DUSP16: variants seen among roughly 807,000 people sequenced by gnomAD.
DUSP16 encodes dual specificity protein phosphatase 16.
In DUSP16, 21 loss-of-function variants were observed where a neutral mutation model predicts 58.3. The observed-to-expected ratio is 0.36, with a 90% CI of 0.26 to 0.52. The LOEUF is 0.52. Among genes scored for constraint, DUSP16 ranks in the 20% least tolerant of loss-of-function variants. DUSP16 has a pLI of 0.94. For synonymous variants in DUSP16, 320 were observed against 323.8 expected, an observed-to-expected ratio of 0.99 and a Z score of 0.12; for missense variants, 726 against 819.0, an observed-to-expected ratio of 0.89 and a Z score of 1.39.
At chr12:12,526,627 T>C (rs1476741994) in intron 1 of DUSP16, among the ~76,000 whole-genome samples, 1 of 152,198 alleles carries the variant, frequency 6.6e-6, no homozygotes. Flanking sequence ...ACTTCAAAAT[T>C]TGTGCCTAGC....
At chr12:12,483,853 A>C (rs1943624502) in intron 5 of DUSP16, among the ~76,000 whole-genome samples, 1 of 152,102 alleles carries the variant, frequency 6.6e-6, no homozygotes, top group African/African-American at 2.4e-5. Flanking sequence ...TAACAACAAC[A>C]AAAAAGAAAA....
chr12:12,502,186 G>A (rs1943920097), intron 3 of DUSP16, among the ~76,000 whole-genome samples: 1 of 152,146 alleles, frequency 6.6e-6, no homozygotes, highest in African/African-American at 2.4e-5. Flanking sequence ...ACTGCTAGAA[G>A]TGCAGGAAGT....
At chr12:12,543,468 AAAGT>A (rs1212335070) in intron 1 of DUSP16, among the ~76,000 whole-genome samples, 2 of 152,250 alleles carry the variant, frequency 1.3e-5, no homozygotes, top group Non-Finnish European at 2.9e-5. Flanking sequence ...AAAAGATAAA[AAAGT>A]AAATAGAATA....
Position 12,476,523 on chromosome 12 carries a change from C to T in DUSP16, c.*310G>A. The stretch of plus-strand genomic sequence containing the variant: ...TGAAAATGGTAGGGGATTTTGTCCT[C>T]CAACACCAAAGACACTTGCTTTTTT... On this transcript the variant is annotated 3_prime_UTR_variant, in exon 7 of 7. Transcript: ENST00000298573. 4.3e-6 allele frequency: 1 copy of T among 233,108 alleles called. No homozygotes were observed. 14.4% of individuals were successfully genotyped at this position (233,108 alleles called of 1,614,324 possible).
At chr12:12,547,354 G>A (rs1305503652) in intron 1 of DUSP16, among the ~76,000 whole-genome samples, 7 of 151,314 alleles carry the variant, frequency 4.6e-5, no homozygotes, top group Admixed American at 1.3e-4. Context: ...GCTTGAACCC[G>A]GGTGGAGGTT....
intron 4 of DUSP16, among the ~76,000 whole-genome samples, chr12:12,497,837 G>A (rs1943850789): frequency 6.6e-6 from 1 of 152,062 alleles, no homozygotes; most frequent in African/African-American, 2.4e-5. Context: ...AGGCATGGTG[G>A]TGCGTGCCTG....
intron 3 of DUSP16, among the ~76,000 whole-genome samples, chr12:12,508,530 A>G (rs2136220776): frequency 6.6e-6 from 1 of 152,300 alleles, no homozygotes; most frequent in African/African-American, 2.4e-5. Context: ...CAACTCTCCA[A>G]TTGAGCCATA....
chr12:12,534,941 T>C (rs539806664), intron 1 of DUSP16, among the ~76,000 whole-genome samples: 1 of 152,350 alleles, frequency 6.6e-6, no homozygotes, highest in Non-Finnish European at 1.5e-5. Flanking sequence ...AAATACCTCA[T>C]GTTCCAGATA....
At chr12:12,523,677 C>A (rs1286442639) in intron 1 of DUSP16, among the ~76,000 whole-genome samples, 1 of 152,176 alleles carries the variant, frequency 6.6e-6, no homozygotes, top group Admixed American at 6.5e-5. Context: ...CCTAGTCAAT[C>A]CACTAATAAA....
chr12:12,529,687 C>T (rs1231172947), intron 1 of DUSP16, among the ~76,000 whole-genome samples: 1 of 152,132 alleles, frequency 6.6e-6, no homozygotes, highest in Non-Finnish European at 1.5e-5. Flanking sequence ...CCAGGCTTCC[C>T]CTCCCCATTA....
rs188713606 is a variant in DUSP16, at chr12:12,521,432, G to A, written c.-334C>T. Reference sequence around the variant, plus strand: ...TACATCATTCTTTACCTTTGCTCCCGCGCTCCAACAGCTTTACACTGGACT... The same window carrying A: ...TACATCATTCTTTACCTTTGCTCCCACGCTCCAACAGCTTTACACTGGACT... On this transcript the variant is annotated 5_prime_UTR_variant, in exon 2 of 7. Coordinates refer to ENST00000298573, the MANE Select transcript of DUSP16 (RefSeq NM_030640.3). 1.6e-4 allele frequency: 189 copies of A among 1,159,642 alleles called. No individual in the cohort carries two copies. The Admixed American group carries it at 2.6e-3, about 16-fold the overall frequency. 71.8% of individuals were successfully genotyped at this position (1,159,642 alleles called of 1,614,324 possible). A position where few individuals can be genotyped will look rare whatever the true frequency, so the allele number is the denominator to read the frequency against.
At chr12:12,523,974 T>C (rs374897907) in intron 1 of DUSP16, among the ~76,000 whole-genome samples, 8 of 152,340 alleles carry the variant, frequency 5.3e-5, no homozygotes, top group South Asian at 2.1e-4. Flanking sequence ...CTGAGTCTGA[T>C]TGGCTCCTCT....
intron 1 of DUSP16, among the ~76,000 whole-genome samples, chr12:12,528,841 C>CAAGG (rs111895298): frequency 0.14 from 22,013 of 151,872 alleles, 1,707 homozygotes; most frequent in African/African-American, 0.19. Flanking sequence ...AAAAATAGAG[C>CAAGG]AAGAGCAAAG....
chr12:12,502,825 C>T (rs546902207), intron 3 of DUSP16, among the ~76,000 whole-genome samples: 35 of 151,998 alleles, frequency 2.3e-4, no homozygotes, highest in African/African-American at 8.4e-4. Context: ...CATTTCTTAC[C>T]GTTTCCAATG....
In DUSP16 at chr12:12,562,765, CAT is replaced by C. The variant is rs1944926829; in HGVS notation, c.-1016_-1015del. Among the ~76,000 whole-genome samples the C allele has an allele frequency of 6.6e-6, 1 of 151,430 alleles. No individual in the cohort carries two copies. Among genetic ancestry groups the C allele is most frequent in the South Asian group, 2.1e-4 (1 of 4,828 alleles). On this transcript the variant is annotated 5_prime_UTR_variant, in exon 1 of 7. The change abolishes an upstream ATG in the 5' untranslated region. Transcript: ENST00000298573. ...CGCCGGGCGGGGCCGCGCGCTCGCC[CAT>C]CCCGCGGCCGCCCGAGCCCGGAGCG...
At chr12:12,535,771 T>A (rs886602105) in intron 1 of DUSP16, among the ~76,000 whole-genome samples, 1 of 152,152 alleles carries the variant, frequency 6.6e-6, no homozygotes, top group African/African-American at 2.4e-5. Flanking sequence ...AAAATGTAAA[T>A]TTCAAAGAGA....
chr12:12,507,053 A>G (rs529277038), intron 3 of DUSP16, among the ~76,000 whole-genome samples: 4 of 152,276 alleles, frequency 2.6e-5, no homozygotes, highest in South Asian at 2.1e-4. Context: ...TTGGGGGGGA[A>G]AAATCTGCCA....
chr12:12,553,931 A>C (rs1308290697), intron 1 of DUSP16, among the ~76,000 whole-genome samples: 2 of 152,130 alleles, frequency 1.3e-5, no homozygotes, highest in Non-Finnish European at 1.5e-5. Context: ...GGAGCAGTGG[A>C]TTACACCTAT....
chr12:12,540,602 G>A (rs1169199758), intron 1 of DUSP16, among the ~76,000 whole-genome samples: 1 of 152,236 alleles, frequency 6.6e-6, no homozygotes, highest in Non-Finnish European at 1.5e-5. Flanking sequence ...GGCTCCGTGA[G>A]ATCACATAGC....
Sources: allele counts gnomAD v4.1 joint callset (sites outside exome capture counted in the v4.1 genomes callset), GRCh38; gene constraint gnomAD v4.1.1; transcripts MANE v1.5; gene names NCBI Gene and HGNC (gene_info 2026-07-23, HGNC 2026-07-21).